The following CAMKMT variants were observed in gnomAD, a reference collection of about 807,000 sequenced individuals.
CAMKMT encodes the protein CaM KMT.
In CAMKMT, 53 loss-of-function variants were observed where a neutral mutation model predicts 48.0. The observed-to-expected ratio is 1.10, with a 90% CI of 0.89 to 1.39. The LOEUF is 1.39. CAMKMT is among the 40% of genes most tolerant of loss of function. The pLI, the probability that CAMKMT is intolerant of heterozygous loss-of-function variation, is 0.00. For synonymous variants in CAMKMT, 165 were observed against 152.3 expected (o/e 1.08, Z -0.61); for missense variants, 428 against 402.7 (o/e 1.06, Z -0.54).
intron 3 of CAMKMT, among the ~76,000 whole-genome samples, chr2:44,492,897 T>TG (rs1210383533): frequency 6.6e-6 from 1 of 151,056 alleles, no homozygotes; most frequent in Non-Finnish European, 1.5e-5. Context: ...ATCTTTTTTT[T>TG]TTTTTTCTTT....
intron 3 of CAMKMT, among the ~76,000 whole-genome samples, chr2:44,567,572 G>C (rs1347777877): frequency 1.3e-5 from 2 of 152,180 alleles, no homozygotes; most frequent in South Asian, 4.1e-4. Context: ...TGAAAGTAGG[G>C]TCCCATTTGG....
At chr2:44,759,947 G>A (rs116325976) in intron 9 of CAMKMT, among the ~76,000 whole-genome samples, 382 of 152,200 alleles carry the variant, frequency 2.5e-3, no homozygotes, top group Middle Eastern at 0.014. Context: ...TGAATCTTTC[G>A]AATTTACGCC....
At chr2:44,409,656 A>T (rs1465553213) in intron 3 of CAMKMT, among the ~76,000 whole-genome samples, 1 of 152,190 alleles carries the variant, frequency 6.6e-6, no homozygotes, top group Non-Finnish European at 1.5e-5. Context: ...TTGTTGTAAA[A>T]ATGTGAGATC....
At chr2:44,362,488 T>TTC (rs146082279) in intron 1 of CAMKMT, among the ~76,000 whole-genome samples, 5,613 of 152,214 alleles carry the variant, frequency 0.037, 343 homozygotes, top group African/African-American at 0.13. Context: ...CTTTTCCTGC[T>TTC]TCTGTTTTGC....
chr2:44,767,618 AC>A lies in CAMKMT; in HGVS notation c.894+1058del, dbSNP rs1431476326. On this transcript the variant is annotated intron_variant, in intron 10 of 10. Coordinates refer to ENST00000378494, the MANE Select transcript of CAMKMT (RefSeq NM_024766.5). The stretch of plus-strand genomic sequence containing the variant: ...CTTTGTGAACTGAAAGAGTTACATT[AC>A]ATCCTCTCACTGGTGGAGTCAGGCC... 4.6e-5 allele frequency among the ~76,000 whole-genome samples: 7 copies of A among 152,194 alleles called. No individual in the cohort carries two copies. The East Asian group carries it at 1.3e-3, about 29-fold the overall frequency.
At chr2:44,385,011 G>A (rs951570612) in intron 2 of CAMKMT, among the ~76,000 whole-genome samples, 1 of 152,088 alleles carries the variant, frequency 6.6e-6, no homozygotes, top group African/African-American at 2.4e-5. Context: ...TTCTAATTCG[G>A]TGAAGAATGA....
intron 3 of CAMKMT, among the ~76,000 whole-genome samples, chr2:44,632,628 A>G (rs1323762692): frequency 6.6e-6 from 1 of 152,188 alleles, no homozygotes; most frequent in East Asian, 1.9e-4. Flanking sequence ...GGTTGGATTG[A>G]AAGATGCAAA....
chr2:44,421,246 GAAGA>G (rs1683918357), intron 3 of CAMKMT, among the ~76,000 whole-genome samples: 1 of 152,060 alleles, frequency 6.6e-6, no homozygotes. Flanking sequence ...TGAAAGTTTT[GAAGA>G]AAGACTTTTG....
intron 2 of CAMKMT, among the ~76,000 whole-genome samples, chr2:44,378,237 A>G (rs1390753552): frequency 2.6e-5 from 4 of 152,090 alleles, no homozygotes; most frequent in Admixed American, 6.6e-5. Flanking sequence ...TAGTTTTCTA[A>G]TTTGTTTTAA....
chr2:44,764,526 G>A (rs902554156), intron 9 of CAMKMT, among the ~76,000 whole-genome samples: 2 of 152,242 alleles, frequency 1.3e-5, no homozygotes, highest in Admixed American at 1.3e-4. Flanking sequence ...GGTTCTTATC[G>A]ACAAAATGGA....
At chr2:44,639,955 A>G (rs1247487819) in intron 3 of CAMKMT, among the ~76,000 whole-genome samples, 1 of 152,222 alleles carries the variant, frequency 6.6e-6, no homozygotes, top group African/African-American at 2.4e-5. Flanking sequence ...CAGTGAATGC[A>G]TGTGAATTTA....
chr2:44,462,368 A>G (rs961387062), intron 3 of CAMKMT, among the ~76,000 whole-genome samples: 3 of 152,178 alleles, frequency 2.0e-5, no homozygotes, highest in African/African-American at 7.2e-5. Context: ...GATTTTAAAT[A>G]AATGAGTTTA....
chr2:44,579,464 A>C (rs1669419462), intron 3 of CAMKMT, among the ~76,000 whole-genome samples: 1 of 152,212 alleles, frequency 6.6e-6, no homozygotes, highest in Non-Finnish European at 1.5e-5. Context: ...TCTGAGAGGC[A>C]AAGCATTTTA....
chr2:44,522,730 C>T (rs182499479), intron 3 of CAMKMT, among the ~76,000 whole-genome samples: 1 of 152,124 alleles, frequency 6.6e-6, no homozygotes, highest in Non-Finnish European at 1.5e-5. Flanking sequence ...GAATGAGAAA[C>T]AAATTTAGTT....
intron 3 of CAMKMT, among the ~76,000 whole-genome samples, chr2:44,476,507 A>G (rs1424614344): frequency 6.6e-6 from 1 of 152,148 alleles, no homozygotes; most frequent in Non-Finnish European, 1.5e-5. Context: ...ACATATATCA[A>G]GAATATAAGT....
chr2:44,751,618 G>A (rs746191130), intron 8 of CAMKMT, among the ~76,000 whole-genome samples: 2 of 152,148 alleles, frequency 1.3e-5, no homozygotes, highest in Non-Finnish European at 2.9e-5. Context: ...TATTTAACAC[G>A]TGTCCTTGTG....
chr2:44,671,424 T>G (rs1326979111), intron 3 of CAMKMT, among the ~76,000 whole-genome samples: 4 of 152,224 alleles, frequency 2.6e-5, no homozygotes, highest in Non-Finnish European at 4.4e-5. Context: ...ATTTAAGCCT[T>G]CCTTGTAATT....
intron 7 of CAMKMT, 90 bp from the exon 8 acceptor site, chr2:44,743,532 C>A: frequency 2.4e-6 from 2 of 847,568 alleles, no homozygotes; most frequent in South Asian, 1.6e-5. Flanking sequence ...TAAATAATTT[C>A]AAGTGCCACA....
chr2:44,668,282 T>C (rs1273321939), intron 3 of CAMKMT, among the ~76,000 whole-genome samples: 2 of 152,160 alleles, frequency 1.3e-5, no homozygotes, highest in Non-Finnish European at 2.9e-5. Context: ...TCCTTTTCCT[T>C]TGGTAACAGT....
Sources: allele counts gnomAD v4.1 joint callset (sites outside exome capture counted in the v4.1 genomes callset), GRCh38; gene constraint gnomAD v4.1.1; transcripts MANE v1.5; gene names NCBI Gene and HGNC (gene_info 2026-07-23, HGNC 2026-07-21).